The following VPS13D variants were observed in gnomAD, a reference collection of about 807,000 sequenced individuals.
VPS13D encodes vacuolar protein sorting 13 homolog D.
In VPS13D, 187 loss-of-function variants were observed where a neutral mutation model predicts 461.9. That is an observed-to-expected ratio of 0.40 (90% CI 0.36 to 0.46). The LOEUF (loss-of-function observed/expected upper bound fraction) is 0.46. Among genes scored for constraint, VPS13D ranks in the 20% least tolerant of loss-of-function variants. VPS13D has a pLI of 0.60. For synonymous variants in VPS13D, 1,951 were observed against 1,986.3 expected, an observed-to-expected ratio of 0.98 and a Z score of 0.47; for missense variants, 4,711 against 5,364.9, an observed-to-expected ratio of 0.88 and a Z score of 3.81.
chr1:12,279,788 A>G lies in VPS13D; in HGVS notation c.4602+138A>G. On this transcript the variant is annotated intron_variant, in intron 20 of 69. Transcript: ENST00000620676. This position sits in a 1 kb window ranked among gnomAD's most constrained non-coding sequence, Gnocchi z 4.3. The stretch of plus-strand genomic sequence containing the variant: ...TCACCCATGCATAATACCATTGTTG[A>G]AACCTTGTTCCAATAATTGTGGAAT... 1 of 803,758 alleles carries G rather than the reference A, an allele frequency of 1.2e-6. No individual in the cohort carries two copies. Among genetic ancestry groups the G allele is most frequent in the Non-Finnish European group, 1.7e-6 (1 of 577,392 alleles). 49.8% of individuals were successfully genotyped at this position (803,758 alleles called of 1,614,324 possible).
chr1:12,358,864 T>A (rs1643911484), intron 50 of VPS13D, among the ~76,000 whole-genome samples: 1 of 152,162 alleles, frequency 6.6e-6, no homozygotes. Flanking sequence ...CAGGAAAGTA[T>A]CAGTTTGGCT....
intron 63 of VPS13D, chr1:12,409,872 TGA>T (rs1019132061): frequency 6.6e-6 from 3 of 456,064 alleles, no homozygotes; most frequent in African/African-American, 6.0e-5. Context: ...TCAAGATTTA[TGA>T]GAGGAGAGAA....
At chr1:12,408,407 A>T (rs1644682727) in intron 63 of VPS13D, among the ~76,000 whole-genome samples, 1 of 152,182 alleles carries the variant, frequency 6.6e-6, no homozygotes, top group Non-Finnish European at 1.5e-5. Context: ...TCACTCTGTC[A>T]GGCTGAAGTG....
chr1:12,456,619 A>G (rs1195070754), intron 66 of VPS13D, among the ~76,000 whole-genome samples: 1 of 142,836 alleles, frequency 7.0e-6, no homozygotes, highest in Admixed American at 7.2e-5. Context: ...GCCTGGCAAC[A>G]GAGCAAGACT....
intron 63 of VPS13D, chr1:12,407,192 C>G (rs1267420774): frequency 6.6e-6 from 1 of 152,078 alleles, no homozygotes; most frequent in African/African-American, 2.4e-5. Context: ...AGGCAAATAC[C>G]CTGCTTCACA....
chr1:12,435,835 C>A (rs188163038), intron 65 of VPS13D, among the ~76,000 whole-genome samples: 1 of 152,172 alleles, frequency 6.6e-6, no homozygotes, highest in East Asian at 1.9e-4. Context: ...TCCTGTGCTA[C>A]CCTGTGTTGT....
intron 49 of VPS13D, 55 bp from the exon 50 acceptor site, chr1:12,358,404 C>G (rs1643905680): frequency 1.3e-6 from 2 of 1,599,770 alleles, no homozygotes; most frequent in Non-Finnish European, 1.7e-6. Context: ...TTAGAACAGG[C>G]AGATAAGACT....
At chr1:12,263,164 C>T (rs1485323017) in intron 13 of VPS13D, among the ~76,000 whole-genome samples, 1 of 152,116 alleles carries the variant, frequency 6.6e-6, no homozygotes, top group Non-Finnish European at 1.5e-5. Context: ...TTGTAACGCA[C>T]ATCACAGTCT....
rs187129588 is a variant in VPS13D, at chr1:12,490,666, A to G, written c.12663-6834A>G. Among the ~76,000 whole-genome samples, 671 of 151,856 alleles carry G rather than the reference A, an allele frequency of 4.4e-3. 5 individuals are homozygous for G. The highest frequency in any genetic ancestry group is 0.014 in the African/African-American group (600 of 41,392). On this transcript the variant is annotated intron_variant, in intron 67 of 69. Transcript: ENST00000620676. Reference sequence around the variant, plus strand: ...TACAGATCTGAGATAGATGCAGCCCATGGCATGGTGGGAGCTACAGGTCTG... The same window carrying G: ...TACAGATCTGAGATAGATGCAGCCCGTGGCATGGTGGGAGCTACAGGTCTG...
chr1:12,393,515 T>C (rs1644455424), intron 60 of VPS13D, among the ~76,000 whole-genome samples: 1 of 152,208 alleles, frequency 6.6e-6, no homozygotes, highest in Non-Finnish European at 1.5e-5. Flanking sequence ...GCAGCTGCAA[T>C]TGGAGTCACC....
intron 13 of VPS13D, among the ~76,000 whole-genome samples, chr1:12,263,739 A>G (rs925884996): frequency 3.9e-5 from 6 of 152,200 alleles, no homozygotes; most frequent in Non-Finnish European, 1.5e-5. Context: ...CATAATGTAG[A>G]AAATTGAGCT....
chr1:12,351,674 C>T (rs988081969), intron 46 of VPS13D, among the ~76,000 whole-genome samples: 3 of 151,664 alleles, frequency 2.0e-5, no homozygotes, highest in Non-Finnish European at 4.4e-5. Flanking sequence ...TCACTGCAGC[C>T]TCCGCCTCCC....
intron 32 of VPS13D, among the ~76,000 whole-genome samples, chr1:12,320,880 A>AT (rs1557707479): frequency 6.6e-6 from 1 of 152,258 alleles, no homozygotes; most frequent in African/African-American, 2.4e-5. Flanking sequence ...TTGGATCTGA[A>AT]TTTTAAGACC....
intron 60 of VPS13D, among the ~76,000 whole-genome samples, chr1:12,399,225 C>T (rs1477312504): frequency 2.3e-4 from 34 of 144,822 alleles, no homozygotes; most frequent in African/African-American, 8.3e-4. Context: ...GAGACGGAGT[C>T]TCTCTCTGTC....
intron 65 of VPS13D, among the ~76,000 whole-genome samples, chr1:12,433,205 G>A (rs917872713): frequency 1.3e-5 from 2 of 152,022 alleles, no homozygotes; most frequent in African/African-American, 4.8e-5. Flanking sequence ...CCCTGGAGTA[G>A]GTGCTCGAAA....
intron 13 of VPS13D, 132 bp from the exon 14 acceptor site, chr1:12,266,749 G>T: frequency 1.1e-5 from 10 of 887,376 alleles, no homozygotes; most frequent in African/African-American, 3.4e-5. Flanking sequence ...GGGTTTTTTT[G>T]TTTGTTTGTT....
chr1:12,478,740 C>A (rs1228752838), intron 67 of VPS13D: 2 of 453,272 alleles, frequency 4.4e-6, no homozygotes, highest in African/African-American at 2.0e-5. Flanking sequence ...CCTCCCTCCC[C>A]CCGGCCAGAA....
rs139730281 is a variant in VPS13D, at chr1:12,479,067, C to T, written c.12663-18433C>T. On this transcript the variant is annotated intron_variant, in intron 67 of 69. Transcript: ENST00000620676. ...GCCCAGAGTTCTCACTGTCCGAGGC[C>T]GGTGGCCCCATGGGAACTCTGTCCA... 4.5e-3 allele frequency among the ~76,000 whole-genome samples: 680 copies of T among 152,272 alleles called. 5 individuals carry two copies. The highest frequency in any genetic ancestry group is 0.015 in the African/African-American group (608 of 41,544).
In VPS13D at chr1:12,507,069, C is replaced by G. The variant is rs754211695; in HGVS notation, c.13011C>G (p.Pro4337=). The stretch of plus-strand genomic sequence containing the variant: ...GCACGAGCAGTGGAGTGTCCATCCC[C>G]GGCCCCTCCCACCAGAAGCCCATGG... ...AVSTSSGVSI[P]GPSHQKPMVH... The change falls in exon 69 of 70, where the codon CCC becomes CCG. Residue 4337 remains proline, a synonymous_variant. Coordinates refer to ENST00000620676, the MANE Select transcript of VPS13D (RefSeq NM_015378.4). The surrounding 1 kb of genome is among the most constrained non-coding windows in gnomAD (Gnocchi z 5.3). The G allele has an allele frequency of 6.2e-7, 1 of 1,614,090 alleles. No individual in the cohort carries two copies. The highest frequency in any genetic ancestry group is 8.5e-7 in the Non-Finnish European group (1 of 1,180,028).
Sources: allele counts gnomAD v4.1 joint callset (sites outside exome capture counted in the v4.1 genomes callset), GRCh38; gene constraint gnomAD v4.1.1; non-coding constraint Gnocchi (gnomAD v3.1); transcripts MANE v1.5; gene names NCBI Gene and HGNC (gene_info 2026-07-23, HGNC 2026-07-21).